SEMA6D: variants seen among roughly 807,000 people sequenced by gnomAD.
SEMA6D encodes the protein semaphorin-6D.
A neutral mutation model predicts 106.6 loss-of-function variants in SEMA6D; 35 were observed. The ratio of observed to expected loss-of-function variants is 0.33; its 90% CI spans 0.25 to 0.44. The LOEUF (loss-of-function observed/expected upper bound fraction) is 0.44, where lower values mean the gene tolerates loss of function less well. Ranked by LOEUF, SEMA6D falls within the 20% of genes least tolerant of loss-of-function variation. SEMA6D has a pLI of 1.00. For missense variants in SEMA6D, 1,185 were observed against 1,345.9 expected (o/e 0.88, Z 1.87); for synonymous variants, 499 against 487.7 (o/e 1.02, Z -0.31).
chr15:47,598,741 G>T (rs73390961), intron 3 of SEMA6D, among the ~76,000 whole-genome samples: 4,881 of 152,072 alleles, frequency 0.032, 262 homozygotes, highest in African/African-American at 0.11. Context: ...CTAAGCTTTC[G>T]CCCTTTTTCA....
intron 1 of SEMA6D, among the ~76,000 whole-genome samples, chr15:47,754,788 ACT>A (rs2081620200): frequency 7.0e-6 from 1 of 142,454 alleles, no homozygotes; most frequent in Non-Finnish European, 1.6e-5. Flanking sequence ...TGTGTCTCTT[ACT>A]CTCTTGTCTG....
chr15:47,306,558 C>T (rs2036241321), intron 1 of SEMA6D, among the ~76,000 whole-genome samples: 2 of 151,966 alleles, frequency 1.3e-5, no homozygotes, highest in Non-Finnish European at 2.9e-5. Context: ...CCTGTCTCTA[C>T]TAAAAGTACA....
At chr15:47,396,370 C>T (rs1024034396) in intron 1 of SEMA6D, 4 of 152,546 alleles carry the variant, frequency 2.6e-5, no homozygotes, top group Middle Eastern at 3.2e-3. Flanking sequence ...AGGTGAAGTA[C>T]CATGATAGGC....
rs1320044298 is a variant in SEMA6D, at chr15:47,260,826, C to A, written c.-239+76408C>A. Among the ~76,000 whole-genome samples the A allele has an allele frequency of 2.0e-5, 3 of 152,104 alleles. 1 individual carries two copies. The highest frequency in any genetic ancestry group is 2.9e-5 in the Non-Finnish European group (2 of 68,012). Reference sequence around the variant, plus strand: ...ATCAGTAGCAAGACTCCTGATTGATCCCTCTTGCTAGTGGTGCCAGTCTCA... The same window carrying A: ...ATCAGTAGCAAGACTCCTGATTGATACCTCTTGCTAGTGGTGCCAGTCTCA... On this transcript the variant is annotated intron_variant, in intron 1 of 19. Coordinates refer to the SEMA6D transcript ENST00000558014.
intron 2 of SEMA6D, among the ~76,000 whole-genome samples, chr15:47,445,921 C>T (rs1197418839): frequency 6.6e-6 from 1 of 152,116 alleles, no homozygotes; most frequent in Non-Finnish European, 1.5e-5. Context: ...GCTGGCAACA[C>T]AACACAGATT....
chr15:47,385,334 T>G (rs2039794126), intron 1 of SEMA6D, among the ~76,000 whole-genome samples: 1 of 152,164 alleles, frequency 6.6e-6, no homozygotes, highest in Non-Finnish European at 1.5e-5. Context: ...GTTGGTATAG[T>G]CATAGTAGAC....
intron 3 of SEMA6D, among the ~76,000 whole-genome samples, chr15:47,539,293 A>G (rs1251752717): frequency 6.6e-6 from 1 of 152,222 alleles, no homozygotes; most frequent in Non-Finnish European, 1.5e-5. Context: ...AAAACACTGT[A>G]AATTTATTCC....
At chr15:47,329,207 C>T (rs2037244795) in intron 1 of SEMA6D, among the ~76,000 whole-genome samples, 1 of 152,066 alleles carries the variant, frequency 6.6e-6, no homozygotes, top group Non-Finnish European at 1.5e-5. Flanking sequence ...ACTACAAACA[C>T]CAAGGAAAGG....
intron 3 of SEMA6D, among the ~76,000 whole-genome samples, chr15:47,489,262 AG>A (rs1487259470): frequency 6.6e-6 from 1 of 152,138 alleles, no homozygotes; most frequent in East Asian, 1.9e-4. Context: ...GAGTCTTTGG[AG>A]GGGGCACCGC....
rs148010340 is a variant in SEMA6D, at chr15:47,429,549, G to A, written c.-159+17077G>A. ...GTGTTATCACCCTATTGCATATTTGGTGGTAAGGCAACAGAACACCAACAA... is the reference window on the plus strand; with the variant it reads ...GTGTTATCACCCTATTGCATATTTGATGGTAAGGCAACAGAACACCAACAA... On this transcript the variant is annotated intron_variant, in intron 2 of 19. Transcript: ENST00000558014. Among the ~76,000 whole-genome samples the A allele has an allele frequency of 5.8e-3, 883 of 152,146 alleles. 6 individuals are homozygous for A. The highest frequency in any genetic ancestry group is 0.017 in the Admixed American group (253 of 15,268).
intron 3 of SEMA6D, among the ~76,000 whole-genome samples, chr15:47,508,316 C>G (rs1656614): frequency 0.78 from 118,815 of 152,202 alleles, 47,424 homozygotes; most frequent in African/African-American, 0.94. Context: ...TCTGTACACT[C>G]TCTTCTTCCA....
intron 3 of SEMA6D, among the ~76,000 whole-genome samples, chr15:47,548,785 CAT>C (rs1212558114): frequency 6.6e-6 from 1 of 152,042 alleles, no homozygotes; most frequent in Non-Finnish European, 1.5e-5. Context: ...TTTTTGTGCA[CAT>C]ATGTGTATAA....
At chr15:47,513,839 C>T (rs916703296) in intron 3 of SEMA6D, among the ~76,000 whole-genome samples, 7 of 152,230 alleles carry the variant, frequency 4.6e-5, no homozygotes, top group Non-Finnish European at 1.0e-4. Context: ...CAAGTACTTA[C>T]ACATTGTAAT....
chr15:47,345,453 G>A (rs2038007345), intron 1 of SEMA6D, among the ~76,000 whole-genome samples: 1 of 152,008 alleles, frequency 6.6e-6, no homozygotes, highest in Admixed American at 6.6e-5. Flanking sequence ...ATTTAACAAA[G>A]AAAGTACAGT....
At position 47,738,978 on chromosome 15, in the gene SEMA6D, G is replaced by C. The variant is rs531324509; in HGVS notation, c.-54-20767G>C. On this transcript the variant is annotated intron_variant, in intron 1 of 18. Coordinates refer to ENST00000536845, the MANE Select transcript of SEMA6D (RefSeq NM_001358351.3). The stretch of plus-strand genomic sequence containing the variant: ...CCTCTCCCTATGGGCCACTTCATGA[G>C]GATGTCTTCACAAGCAGCTTAGGCT... Among the ~76,000 whole-genome samples the C allele has an allele frequency of 2.3e-3, 357 of 152,262 alleles. 5 individuals are homozygous for C. Among genetic ancestry groups the C allele is most frequent in the Non-Finnish European group, 1.9e-3 (126 of 68,018 alleles).
chr15:47,334,446 C>G (rs2037471452), intron 1 of SEMA6D, among the ~76,000 whole-genome samples: 1 of 152,158 alleles, frequency 6.6e-6, no homozygotes, highest in African/African-American at 2.4e-5. Flanking sequence ...GGACTGAGCC[C>G]TCAACCCATG....
intron 3 of SEMA6D, among the ~76,000 whole-genome samples, chr15:47,551,681 G>GTGTGTGTGTGTGTGTGTGTA (rs1202114936): frequency 7.3e-5 from 11 of 151,466 alleles, no homozygotes; most frequent in Admixed American, 1.3e-4. Context: ...CTCTGTGTGT[G>GTGTGTGTGTGTGTGTGTGTA]TGTGTGTGTG....
intron 2 of SEMA6D, among the ~76,000 whole-genome samples, chr15:47,461,421 G>A (rs550174451): frequency 2.6e-5 from 4 of 151,884 alleles, no homozygotes; most frequent in Non-Finnish European, 4.4e-5. Flanking sequence ...TGAAGCACTG[G>A]AAACATCACC....
chr15:47,673,937 A>G (rs2078189293), intron 4 of SEMA6D, among the ~76,000 whole-genome samples: 1 of 152,110 alleles, frequency 6.6e-6, no homozygotes, highest in Non-Finnish European at 1.5e-5. Context: ...TAGTATTTCT[A>G]TGTCTTGACA....
Sources: allele counts gnomAD v4.1 joint callset (sites outside exome capture counted in the v4.1 genomes callset), GRCh38; gene constraint gnomAD v4.1.1; transcripts MANE v1.5; gene names NCBI Gene and HGNC (gene_info 2026-07-23, HGNC 2026-07-21).